The following SEMA6A variants were observed in gnomAD, a reference collection of about 807,000 sequenced individuals.
SEMA6A encodes semaphorin 6A, also known as semaphorin-6A.
Under a neutral mutation model 96.8 loss-of-function variants are expected in SEMA6A, and 25 were observed. That is an observed-to-expected ratio of 0.26 (90% CI 0.19 to 0.36). The LOEUF (loss-of-function observed/expected upper bound fraction) is 0.36, where lower values mean the gene tolerates loss of function less well. Ranked by LOEUF, SEMA6A falls within the 10% of genes least tolerant of loss-of-function variation. The pLI is 1.00. For synonymous variants in SEMA6A, 612 were observed against 518.0 expected, an observed-to-expected ratio of 1.18 and a Z score of -2.46; for missense variants, 1,363 against 1,323.1, an observed-to-expected ratio of 1.03 and a Z score of -0.47.
intron 1 of SEMA6A, among the ~76,000 whole-genome samples, chr5:116,569,761 C>T (rs57776560): frequency 0.011 from 1,635 of 152,010 alleles, 29 homozygotes; most frequent in African/African-American, 0.038. Context: ...ATTTGGGGGC[C>T]GGCAACTCAA....
chr5:116,494,157 TC>T (rs1276675349), intron 6 of SEMA6A, among the ~76,000 whole-genome samples: 1 of 152,216 alleles, frequency 6.6e-6, no homozygotes, highest in Non-Finnish European at 1.5e-5. Flanking sequence ...TATCTACATC[TC>T]CAGTTTTTTC....
At position 116,542,372 on chromosome 5, in the gene SEMA6A, T is replaced by C. The variant is rs184726127; in HGVS notation, c.-39+31813A>G. 3.1e-3 allele frequency among the ~76,000 whole-genome samples: 466 copies of C among 152,306 alleles called. 2 individuals are homozygous for C. Among genetic ancestry groups the C allele is most frequent in the Middle Eastern group, 0.024 (7 of 294 alleles). ...ACCGTTTTTCTTCTTCATTACTCTATTGCACTTTATTTCTTCCCATGAGAT... is the reference window on the plus strand; with the variant it reads ...ACCGTTTTTCTTCTTCATTACTCTACTGCACTTTATTTCTTCCCATGAGAT... On this transcript the variant is annotated intron_variant, in intron 1 of 18. Coordinates refer to ENST00000343348, the MANE Select transcript of SEMA6A (RefSeq NM_020796.5).
intron 1 of SEMA6A, among the ~76,000 whole-genome samples, chr5:116,543,068 ATAG>A (rs879647197): frequency 2.6e-5 from 4 of 152,156 alleles, no homozygotes; most frequent in Admixed American, 2.6e-4. Context: ...AGCTCATAAA[ATAG>A]TAGCTTTTCT....
At chr5:116,552,668 G>A (rs1465776064) in intron 1 of SEMA6A, among the ~76,000 whole-genome samples, 4 of 152,282 alleles carry the variant, frequency 2.6e-5, no homozygotes, top group African/African-American at 7.2e-5. Context: ...GTACTGGCAG[G>A]AAGGTTCAAA....
chr5:116,473,378 T>G (rs924729620), intron 16 of SEMA6A, among the ~76,000 whole-genome samples: 4 of 152,188 alleles, frequency 2.6e-5, no homozygotes, highest in Non-Finnish European at 4.4e-5. Flanking sequence ...CAATTATAGG[T>G]GACTTCGAGA....
Position 116,558,568 on chromosome 5 carries a change from T to C in SEMA6A, c.-39+15617A>G, listed in dbSNP as rs1476551671. On this transcript the variant is annotated intron_variant, in intron 1 of 18. Transcript: ENST00000343348. ...AGCTCCGCTTCCCGGGTTCACGCCA[T>C]TCTCCTGCCTCAGCCTCCCGAGTAG... 5.0e-5 allele frequency among the ~76,000 whole-genome samples: 2 copies of C among 40,056 alleles called. 1 individual carries two copies. Among genetic ancestry groups the C allele is most frequent in the Non-Finnish European group, 1.2e-4 (2 of 16,662 alleles). The allele number at this position is 40,056 out of a possible 152,430, so 26.3% of individuals were successfully genotyped here.
intron 1 of SEMA6A, among the ~76,000 whole-genome samples, chr5:116,514,591 G>T (rs1366034105): frequency 6.6e-6 from 1 of 152,132 alleles, no homozygotes; most frequent in East Asian, 1.9e-4. Context: ...GGTCCAAAAA[G>T]GTCACTTGCC....
Position 116,488,752 on chromosome 5 carries a change from T to C in SEMA6A, c.655+136A>G. 7 of 1,115,352 alleles carry C rather than the reference T, an allele frequency of 6.3e-6. No homozygotes were observed. In the South Asian group the frequency reaches 1.5e-4, roughly 23 times the overall value. The allele number at this position is 1,115,352 out of a possible 1,614,324, so 69.1% of individuals were successfully genotyped here. On this transcript the variant is annotated intron_variant, in intron 8 of 18. Coordinates refer to ENST00000343348, the MANE Select transcript of SEMA6A (RefSeq NM_020796.5). Reference sequence around the variant, plus strand: ...TAAATAAATCAGTTGAAGCCAAAGATGCAATTTACATGTTTCTGTCTGTCA... The same window carrying C: ...TAAATAAATCAGTTGAAGCCAAAGACGCAATTTACATGTTTCTGTCTGTCA...
chr5:116,478,397 T>C, intron 13 of SEMA6A, 145 bp downstream of exon 13: 1 of 924,044 alleles, frequency 1.1e-6, no homozygotes, highest in Non-Finnish European at 1.6e-6. Flanking sequence ...AAATAATGCT[T>C]TTTAGGTGTT....
intron 6 of SEMA6A, among the ~76,000 whole-genome samples, chr5:116,493,582 G>A (rs1345419555): frequency 6.6e-6 from 1 of 152,070 alleles, no homozygotes; most frequent in Non-Finnish European, 1.5e-5. Context: ...TGAGCCACAT[G>A]CCTCACTTGC....
chr5:116,542,086 ATT>A (rs1759995403), intron 1 of SEMA6A, among the ~76,000 whole-genome samples: 1 of 152,122 alleles, frequency 6.6e-6, no homozygotes, highest in African/African-American at 2.4e-5. Context: ...ACCATCAGGC[ATT>A]TTGTCTCTTT....
At chr5:116,474,495 G>A (rs909203163) in intron 16 of SEMA6A, among the ~76,000 whole-genome samples, 4 of 152,242 alleles carry the variant, frequency 2.6e-5, no homozygotes, top group Admixed American at 2.0e-4. Context: ...GACATAATAA[G>A]AATTTTTGCC....
intron 1 of SEMA6A, chr5:116,550,542 A>C (rs1760362472): frequency 6.6e-6 from 1 of 152,154 alleles, no homozygotes; most frequent in African/African-American, 2.4e-5. Context: ...AGAAATGTTG[A>C]TCTAATCTTC....
chr5:116,551,555 G>A (rs1348216380), intron 1 of SEMA6A, among the ~76,000 whole-genome samples: 1 of 152,156 alleles, frequency 6.6e-6, no homozygotes, highest in Non-Finnish European at 1.5e-5. Flanking sequence ...TACAAAGGAG[G>A]AAACTGAGGC....
intron 18 of SEMA6A, 121 bp downstream of exon 18, chr5:116,467,462 C>G: frequency 2.0e-5 from 19 of 942,278 alleles, no homozygotes; most frequent in Non-Finnish European, 2.4e-5. Context: ...GAGAAACTTT[C>G]AATCATAGCG....
rs930391474 is a variant in SEMA6A, at chr5:116,446,503, C to T, written c.*110G>A. The T allele has an allele frequency of 1.8e-5, 17 of 954,770 alleles. No homozygotes were observed. The African/African-American group carries it at 2.0e-4, about 11-fold the overall frequency. 59.1% of individuals were successfully genotyped at this position (954,770 alleles called of 1,614,324 possible). A position where few individuals can be genotyped will look rare whatever the true frequency, so the allele number is the denominator to read the frequency against. ...GAGGACCCAGCGTCCTCGGCTCTGC[C>T]GCAGGCCTTCTTGGTCTGGTGGGTA... On this transcript the variant is annotated 3_prime_UTR_variant, in exon 19 of 19. Coordinates refer to ENST00000343348, the MANE Select transcript of SEMA6A (RefSeq NM_020796.5).
chr5:116,482,658 T>A (rs1387002508), intron 10 of SEMA6A, 83 bp from the exon 11 acceptor site: 9 of 1,416,256 alleles, frequency 6.4e-6, no homozygotes, highest in African/African-American at 2.8e-5. Context: ...GAAACTTTCC[T>A]GGTACAGCAA....
At chr5:116,448,995 G>A (rs570723572) in intron 18 of SEMA6A, among the ~76,000 whole-genome samples, 9 of 152,284 alleles carry the variant, frequency 5.9e-5, no homozygotes, top group Middle Eastern at 6.8e-3. Context: ...ACACCCATCC[G>A]TAATCTTACA....
intron 7 of SEMA6A, among the ~76,000 whole-genome samples, chr5:116,490,094 G>C (rs1225998255): frequency 6.6e-6 from 1 of 152,048 alleles, no homozygotes; most frequent in African/African-American, 2.4e-5. Context: ...TTTAAACAAA[G>C]ATCTCGATGT....
Sources: gnomAD v4.1 joint callset for allele counts (sites outside exome capture counted in the v4.1 genomes callset) on GRCh38, gnomAD v4.1.1 for gene constraint, MANE v1.5 for transcripts, NCBI Gene and HGNC (gene_info 2026-07-23, HGNC 2026-07-21) for gene names.